ZBTB11: variants seen among roughly 807,000 people sequenced by gnomAD.
ZBTB11 encodes the protein zinc finger and BTB domain containing 11, also known as zinc finger and BTB domain-containing protein 11.
ZBTB11 carries 68 observed loss-of-function variants against 113.1 expected under a neutral mutation model. That is an observed-to-expected ratio of 0.60 (90% CI 0.49 to 0.74). The LOEUF is 0.74. Ranked by LOEUF, ZBTB11 falls within the 30% of genes least tolerant of loss-of-function variation. The pLI is 0.00. For synonymous variants in ZBTB11, 518 were observed against 452.6 expected, an observed-to-expected ratio of 1.14 and a Z score of -1.83; for missense variants, 1,104 against 1,279.4, an observed-to-expected ratio of 0.86 and a Z score of 2.09.
At chr3:101,670,148 AC>A (rs1937065294) in intron 3 of ZBTB11, among the ~76,000 whole-genome samples, 2 of 152,324 alleles carry the variant, frequency 1.3e-5, no homozygotes, top group South Asian at 4.1e-4. Flanking sequence ...CTTTCTATAA[AC>A]ATAAAGCCAC....
chr3:101,672,055 T>C lies in ZBTB11; in HGVS notation c.469A>G (p.Ser157Gly). Residue 157 changes from serine (S) to glycine (G), a missense_variant, in exon 2 of 11, where the codon AGC becomes GGC. Transcript: ENST00000312938. Reference protein sequence around the residue: ...EESNESEDDLSNFTSSPTTAS... With the variant: ...EESNESEDDLGNFTSSPTTAS... ...GTAGTTGGAGATGAAGTAAAGTTGC[T>C]CAGGTCATCTTCCGATTCATTACTT... 1 of 1,614,182 alleles carries C rather than the reference T, an allele frequency of 6.2e-7. No homozygotes were observed. Among genetic ancestry groups the C allele is most frequent in the Non-Finnish European group, 8.5e-7 (1 of 1,180,016 alleles).
At chr3:101,655,067 CGGGTTTCACCATG>C (rs1553777776) in intron 7 of ZBTB11, among the ~76,000 whole-genome samples, 1 of 151,998 alleles carries the variant, frequency 6.6e-6, no homozygotes, top group Non-Finnish European at 1.5e-5. Context: ...TTAGTAGAGA[CGGGTTTCACCATG>C]TTAGCCAGGA....
rs1936948701 is a variant in ZBTB11 at position 101,664,613 on chromosome 3, T to C, written c.1725A>G (p.Gly575=). The part of the protein sequence containing the change: ...EEASHKCGEC[G]MVFQRRYALI... ...GGGCGTATCGTCTCTGAAAAACCAT[T>C]CCACATTCCCCACATTTATGAGATG... is the stretch of plus-strand genomic sequence containing the variant. The change falls in exon 5 of 11, where the codon GGA becomes GGG. Residue 575 remains glycine, a synonymous_variant. Coordinates refer to ENST00000312938, the MANE Select transcript of ZBTB11 (RefSeq NM_014415.4). 6.2e-7 allele frequency: 1 copy of C among 1,613,942 alleles called. No individual in the cohort carries two copies.
intron 8 of ZBTB11, 30 bp from the exon 9 acceptor site, chr3:101,652,968 T>C: frequency 6.3e-7 from 1 of 1,594,216 alleles, no homozygotes; most frequent in Non-Finnish European, 8.5e-7. Context: ...CCCAATTGGA[T>C]AATCTTATTC....
rs748016513 is a variant in ZBTB11 at position 101,656,260 on chromosome 3, C to G, written c.2047-12G>C. On this transcript the variant is annotated splice_polypyrimidine_tract_variant and intron_variant, in intron 6 of 10. Coordinates refer to ENST00000312938, the MANE Select transcript of ZBTB11 (RefSeq NM_014415.4). ...GTCTTTCCACAGACCTAAGATAGAA[C>G]AGGGGTGATTAAGTCAATAAAACAA... The G allele has an allele frequency of 6.9e-7, 1 of 1,449,672 alleles. No homozygotes were observed. Among genetic ancestry groups the G allele is most frequent in the East Asian group, 2.6e-5 (1 of 37,760 alleles). The allele number at this position is 1,449,672 out of a possible 1,614,324, so 89.8% of individuals were successfully genotyped here. A position where few individuals can be genotyped will look rare whatever the true frequency, so the allele number is the denominator to read the frequency against.
At chr3:101,669,777 G>C (rs1417793369) in intron 3 of ZBTB11, among the ~76,000 whole-genome samples, 2 of 150,958 alleles carry the variant, frequency 1.3e-5, no homozygotes, top group Non-Finnish European at 2.9e-5. Flanking sequence ...CTAGTTCTTT[G>C]TATGCAGTGG....
chr3:101,666,525 T>C (rs1403809844), intron 3 of ZBTB11, among the ~76,000 whole-genome samples: 2 of 152,216 alleles, frequency 1.3e-5, no homozygotes, highest in African/African-American at 4.8e-5. Flanking sequence ...ATAATTACTA[T>C]ACACATGAGG....
intron 6 of ZBTB11, among the ~76,000 whole-genome samples, chr3:101,657,741 T>C (rs375914319): frequency 3.4e-4 from 51 of 152,086 alleles, no homozygotes; most frequent in African/African-American, 1.1e-3. Flanking sequence ...TCCCAGCACT[T>C]TGGGAGGCCC....
In ZBTB11 at chr3:101,666,137, T is replaced by TA. The variant is rs1031668048; in HGVS notation, c.779-330dup. Reference sequence around the variant, plus strand: ...AAACAGCTGCTGGAGGATGGAGGGTTAAAAAAAAAGAGGAAGACAGGTGAG... The same window carrying TA: ...AAACAGCTGCTGGAGGATGGAGGGTTAAAAAAAAAAGAGGAAGACAGGTGAG... On this transcript the variant is annotated intron_variant, in intron 3 of 10. Coordinates refer to ENST00000312938, the MANE Select transcript of ZBTB11 (RefSeq NM_014415.4). Among the ~76,000 whole-genome samples the TA allele has an allele frequency of 1.6e-4, 24 of 150,810 alleles. 1 individual carries two copies. The highest frequency in any genetic ancestry group is 3.9e-4 in the African/African-American group (16 of 41,054).
chr3:101,676,212 G>A (rs1559990146), intron 1 of ZBTB11, among the ~76,000 whole-genome samples: 1 of 152,210 alleles, frequency 6.6e-6, no homozygotes, highest in Non-Finnish European at 1.5e-5. Context: ...CCAAACGTCA[G>A]CACAGTCGAA....
chr3:101,654,901 T>A (rs1169119962), intron 7 of ZBTB11, 80 bp from the exon 8 acceptor site: 2 of 1,067,548 alleles, frequency 1.9e-6, no homozygotes, highest in Non-Finnish European at 2.8e-6. Context: ...TTGAGTGGCA[T>A]CTCACTCTGT....
chr3:101,664,561 T>G lies in ZBTB11; in HGVS notation c.1777A>C (p.Arg593=). 6.2e-7 allele frequency: 1 copy of G among 1,606,852 alleles called. No individual in the cohort carries two copies. Among genetic ancestry groups the G allele is most frequent in the Non-Finnish European group, 8.5e-7 (1 of 1,178,308 alleles). Residue 593 remains arginine, a synonymous_variant, in exon 5 of 11, where the codon AGA becomes CGA. Transcript: ENST00000312938. The part of the protein sequence containing the change: ...ALIMHKLKHE[R]ARDYKCPLCK... ...ACTGGACATTTGTAATCTCTAGCTC[T>G]TTCATGTTTCAGTTTGTGCATTATA... is the stretch of plus-strand genomic sequence containing the variant.
Position 101,676,746 on chromosome 3 carries a change from T to G in ZBTB11, c.169A>C (p.Lys57Gln). ...LYYQRRQRHR[K>Q]TFAELEVVLQ... is the part of the protein sequence containing the mutation. Reference sequence around the variant, plus strand: ...ACCACCTCCAGCTCCGCGAAGGTCTTGCGGTGCCGCTGCCGCCGCTGGTAA... The same window carrying G: ...ACCACCTCCAGCTCCGCGAAGGTCTGGCGGTGCCGCTGCCGCCGCTGGTAA... The change falls in exon 1 of 11, where the codon AAG (lysine) becomes CAG (glutamine). Residue 57 changes from lysine to glutamine, a missense_variant. Coordinates refer to ENST00000312938, the MANE Select transcript of ZBTB11 (RefSeq NM_014415.4). The G allele has an allele frequency of 6.2e-7, 1 of 1,606,690 alleles. No homozygotes were observed. The highest frequency in any genetic ancestry group is 8.5e-7 in the Non-Finnish European group (1 of 1,176,976).
At chr3:101,659,552 C>T (rs934764686) in intron 6 of ZBTB11, among the ~76,000 whole-genome samples, 1 of 152,126 alleles carries the variant, frequency 6.6e-6, no homozygotes, top group African/African-American at 2.4e-5. Context: ...ATCCTCTGGA[C>T]CCTAGTAAGT....
At chr3:101,654,255 G>A (rs1936755297) in intron 8 of ZBTB11, among the ~76,000 whole-genome samples, 1 of 152,102 alleles carries the variant, frequency 6.6e-6, no homozygotes, top group Non-Finnish European at 1.5e-5. Context: ...TGGCCAGGCT[G>A]GTCTCGAACT....
chr3:101,666,413 T>C (rs929070040), intron 3 of ZBTB11, among the ~76,000 whole-genome samples: 1 of 152,190 alleles, frequency 6.6e-6, no homozygotes, highest in African/African-American at 2.4e-5. Flanking sequence ...TATACACCAA[T>C]GGACGCAGCT....
intron 3 of ZBTB11, among the ~76,000 whole-genome samples, chr3:101,666,497 C>T (rs1000097668): frequency 6.6e-6 from 1 of 151,268 alleles, no homozygotes; most frequent in Admixed American, 6.6e-5. Flanking sequence ...TTTGCCTATA[C>T]CAGGTCTAAG....
In ZBTB11 at chr3:101,664,534, T is replaced by G. The variant is rs767442537; in HGVS notation, c.1800+4A>C. 6.3e-7 allele frequency: 1 copy of G among 1,596,482 alleles called. No homozygotes were observed. The highest frequency in any genetic ancestry group is 8.5e-7 in the Non-Finnish European group (1 of 1,175,158). ...TACCTTCAATTAGCTTTCCAAATAC[T>G]TACTGGACATTTGTAATCTCTAGCT... On this transcript the variant is annotated splice_donor_region_variant and intron_variant, in intron 5 of 10. Coordinates refer to ENST00000312938, the MANE Select transcript of ZBTB11 (RefSeq NM_014415.4).
Position 101,664,687 on chromosome 3 carries a change from T to C in ZBTB11, c.1651A>G (p.Lys551Glu), listed in dbSNP as rs1221235371. Residue 551 changes from lysine to glutamate, a missense_variant, in exon 5 of 11, where the codon AAA becomes GAA. By Grantham distance (56) the Lys-to-Glu change is moderately conservative. This residue lies in a region of ZBTB11 where 535 missense variants were observed against 518.6 expected (regional missense o/e 1.03). Coordinates refer to ENST00000312938, the MANE Select transcript of ZBTB11 (RefSeq NM_014415.4). ...QVAQKLVQRGKKMKQPKRDAK... is the reference protein window; with the variant it reads ...QVAQKLVQRGEKMKQPKRDAK... ...TCTCTTTTTGGCTGTTTCATCTTTT[T>C]TCCTCTTTGAACTAACTTCTGAGCC... 1 of 1,609,834 alleles carries C rather than the reference T, an allele frequency of 6.2e-7. No individual in the cohort carries two copies.
Sources: allele counts gnomAD v4.1 joint callset (sites outside exome capture counted in the v4.1 genomes callset), GRCh38; gene constraint gnomAD v4.1.1; regional missense constraint gnomAD v4.1.1; transcripts MANE v1.5; gene names NCBI Gene and HGNC (gene_info 2026-07-23, HGNC 2026-07-21).